PACRG: variants seen among roughly 807,000 people sequenced by gnomAD.
PACRG encodes parkin coregulated gene protein.
Under a neutral mutation model 29.7 loss-of-function variants are expected in PACRG, and 29 were observed. The observed-to-expected ratio is 0.98, with a 90% confidence interval of 0.73 to 1.33. PACRG has a LOEUF of 1.33. Ranked by LOEUF, PACRG falls within the 40% of genes most tolerant of loss-of-function variation. The pLI is 0.00. For missense variants in PACRG, 279 were observed against 316.2 expected, an observed-to-expected ratio of 0.88 and a Z score of 0.89; for synonymous variants, 116 against 118.7, an observed-to-expected ratio of 0.98 and a Z score of 0.15.
chr6:163,275,055 A>C (rs1442038241), intron 4 of PACRG, among the ~76,000 whole-genome samples: 1 of 151,412 alleles, frequency 6.6e-6, no homozygotes, highest in African/African-American at 2.4e-5. Flanking sequence ...TGTCTTTTTA[A>C]TAGAGACGGG....
intron 1 of PACRG, among the ~76,000 whole-genome samples, chr6:162,737,208 A>G (rs552846583): frequency 1.6e-4 from 25 of 152,110 alleles, no homozygotes; most frequent in African/African-American, 5.8e-4. Context: ...CCTGCTGTCT[A>G]CCTCCTCATC....
intron 4 of PACRG, among the ~76,000 whole-genome samples, chr6:163,213,952 C>A (rs1208173007): frequency 1.3e-5 from 2 of 152,172 alleles, no homozygotes; most frequent in Non-Finnish European, 2.9e-5. Context: ...AGTAGCCTCT[C>A]TTTTTCCCAC....
intron 2 of PACRG, among the ~76,000 whole-genome samples, chr6:162,914,600 CA>C (rs79981470): frequency 5.0e-4 from 63 of 125,748 alleles, no homozygotes; most frequent in East Asian, 9.2e-4. Context: ...CCATTTTTAC[CA>C]AAAAAAAAAA....
chr6:162,878,956 T>G (rs1793601103), intron 2 of PACRG, among the ~76,000 whole-genome samples: 2 of 152,202 alleles, frequency 1.3e-5, no homozygotes, highest in South Asian at 4.1e-4. Context: ...ATAATACAAT[T>G]TCAGTACTAC....
At chr6:163,078,131 C>T (rs1812715017) in intron 3 of PACRG, among the ~76,000 whole-genome samples, 1 of 152,210 alleles carries the variant, frequency 6.6e-6, no homozygotes. Context: ...ACTACCTCAT[C>T]AAAATTCCAA....
At chr6:162,930,079 C>G (rs927519296) in intron 2 of PACRG, among the ~76,000 whole-genome samples, 1 of 151,476 alleles carries the variant, frequency 6.6e-6, no homozygotes, top group South Asian at 2.1e-4. Context: ...TATTTTGGGT[C>G]TTTCATGATT....
intron 2 of PACRG, among the ~76,000 whole-genome samples, chr6:162,964,832 A>T (rs1479392246): frequency 1.3e-5 from 2 of 152,206 alleles, no homozygotes; most frequent in Non-Finnish European, 2.9e-5. Flanking sequence ...GTTTAGAAAG[A>T]TAAACAACAG....
intron 2 of PACRG, among the ~76,000 whole-genome samples, chr6:162,890,829 G>A (rs1219340507): frequency 1.3e-5 from 2 of 152,114 alleles, no homozygotes; most frequent in African/African-American, 4.8e-5. Flanking sequence ...CTACCCTGGA[G>A]GCCTGGTAAC....
intron 2 of PACRG, among the ~76,000 whole-genome samples, chr6:162,965,022 C>T (rs1254324796): frequency 6.6e-6 from 1 of 152,202 alleles, no homozygotes; most frequent in African/African-American, 2.4e-5. Flanking sequence ...TATCTGGAAG[C>T]ATGCCCAGTG....
At chr6:163,118,147 TG>T (rs1424989191) in intron 4 of PACRG, among the ~76,000 whole-genome samples, 1 of 152,252 alleles carries the variant, frequency 6.6e-6, no homozygotes, top group African/African-American at 2.4e-5. Flanking sequence ...GCACACTGAC[TG>T]CCAAGGTGTT....
intron 4 of PACRG, among the ~76,000 whole-genome samples, chr6:163,094,979 T>C (rs1250442476): frequency 6.6e-6 from 1 of 152,150 alleles, no homozygotes; most frequent in South Asian, 2.1e-4. Flanking sequence ...GCATTCTCTA[T>C]AAGCAGAGCT....
At chr6:162,977,201 A>G (rs1278295985) in intron 2 of PACRG, among the ~76,000 whole-genome samples, 3 of 152,218 alleles carry the variant, frequency 2.0e-5, no homozygotes, top group East Asian at 3.9e-4. Flanking sequence ...AACATTTGAT[A>G]AATAATATCA....
intron 4 of PACRG, among the ~76,000 whole-genome samples, chr6:163,217,899 G>A (rs1781426360): frequency 6.6e-6 from 1 of 151,958 alleles, no homozygotes; most frequent in African/African-American, 2.4e-5. Context: ...ATGGTGAGGT[G>A]TATAATTATT....
chr6:163,109,372 T>C (rs573774616), intron 4 of PACRG, among the ~76,000 whole-genome samples: 2 of 152,336 alleles, frequency 1.3e-5, no homozygotes, highest in African/African-American at 4.8e-5. Context: ...TTGTCTATGA[T>C]AGCAAATTCT....
rs1384869630 is a variant in PACRG, at chr6:163,055,651, TTTA to T, written c.292-6496_292-6494del. The stretch of plus-strand genomic sequence containing the variant: ...TCTATTATTTTGTTGTTATTTGTTT[TTTA>T]TTGTTTTATTTTTTCTTTGGCATTT... On this transcript the variant is annotated intron_variant, in intron 2 of 4. Coordinates refer to ENST00000366888, the MANE Select transcript of PACRG (RefSeq NM_001080379.2). This position sits in a 1 kb window ranked among gnomAD's most constrained non-coding sequence, Gnocchi z 4.0. Among the ~76,000 whole-genome samples the T allele has an allele frequency of 1.3e-5, 2 of 152,248 alleles. No homozygotes were observed. Among genetic ancestry groups the T allele is most frequent in the Non-Finnish European group, 2.9e-5 (2 of 68,034 alleles).
intron 4 of PACRG, among the ~76,000 whole-genome samples, chr6:163,234,294 C>G (rs573005681): frequency 6.6e-6 from 1 of 152,162 alleles, no homozygotes; most frequent in South Asian, 2.1e-4. Flanking sequence ...TGGTGCCATT[C>G]TCAGGGGAGT....
At chr6:162,731,506 G>A (rs1010506650) in intron 1 of PACRG, among the ~76,000 whole-genome samples, 1 of 151,998 alleles carries the variant, frequency 6.6e-6, no homozygotes, top group Non-Finnish European at 1.5e-5. Context: ...AAGTATATAG[G>A]TAGAAATGTG....
At chr6:163,265,867 C>A (rs139750907) in intron 4 of PACRG, among the ~76,000 whole-genome samples, 16 of 152,066 alleles carry the variant, frequency 1.1e-4, no homozygotes, top group Admixed American at 1.0e-3. Context: ...ACCATAATTC[C>A]GAGTCAAAAA....
chr6:162,969,741 T>A (rs899957785), intron 2 of PACRG, among the ~76,000 whole-genome samples: 6 of 152,216 alleles, frequency 3.9e-5, no homozygotes, highest in Admixed American at 6.5e-5. Context: ...AGCTTAAATG[T>A]CACTATCTTC....
Sources: gnomAD v4.1 joint callset for allele counts (sites outside exome capture counted in the v4.1 genomes callset) on GRCh38, gnomAD v4.1.1 for gene constraint, Gnocchi (gnomAD v3.1) non-coding constraint, MANE v1.5 for transcripts, NCBI Gene and HGNC (gene_info 2026-07-23, HGNC 2026-07-21) for gene names.